TBC1D12: variants seen among roughly 807,000 people sequenced by gnomAD.
TBC1D12 encodes the protein TBC1 domain family, member 12.
TBC1D12 carries 56 observed loss-of-function variants against 86.7 expected under a neutral mutation model. The observed-to-expected ratio is 0.65, with a 90% CI of 0.52 to 0.81. The LOEUF (loss-of-function observed/expected upper bound fraction) is 0.81. TBC1D12 is among the 30% of genes least tolerant of loss of function. The pLI, the probability that TBC1D12 is intolerant of heterozygous loss-of-function variation, is 0.00. For missense variants in TBC1D12, 1,023 were observed against 1,038.8 expected (o/e 0.98, Z 0.21); for synonymous variants, 421 against 411.7 (o/e 1.02, Z -0.27).
intron 11 of TBC1D12, among the ~76,000 whole-genome samples, chr10:94,526,867 C>A (rs1842303351): frequency 6.6e-6 from 1 of 152,136 alleles, no homozygotes; most frequent in South Asian, 2.1e-4. Flanking sequence ...TAAGAGTTCC[C>A]TTTTCTTTGC....
chr10:94,504,173 GAATC>G (rs1265556781), intron 6 of TBC1D12, among the ~76,000 whole-genome samples: 1 of 152,152 alleles, frequency 6.6e-6, no homozygotes, highest in African/African-American at 2.4e-5. Flanking sequence ...AAAGTCTTAA[GAATC>G]AATTTTGCAA....
intron 1 of TBC1D12, among the ~76,000 whole-genome samples, chr10:94,420,503 T>C (rs2055059476): frequency 6.6e-6 from 1 of 152,160 alleles, no homozygotes; most frequent in South Asian, 2.1e-4. Context: ...AAAAAGAAGC[T>C]CTGTACTCAC....
Position 94,531,444 on chromosome 10 carries a change from C to T in TBC1D12, c.2243C>T (p.Thr748Ile). The T allele has an allele frequency of 6.2e-7, 1 of 1,611,452 alleles. No individual in the cohort carries two copies. Among genetic ancestry groups the T allele is most frequent in the South Asian group, 1.1e-5 (1 of 90,606 alleles). ...GCAGCCATTCAGATGCAGAATAGCA[C>T]CAAAAAATGGACTCAGGTAGAGTGA... ...CIAAIQMQNS[T>I]KKWTQVFASV... The change falls in exon 12 of 13, where the codon ACC (threonine) becomes ATC (isoleucine). Residue 748 changes from threonine to isoleucine, a missense_variant. Physicochemically the swap from Thr to Ile is moderately conservative, Grantham distance 89. Around this residue, in one of 2 missense-constraint regions of TBC1D12, gnomAD observed 395 missense variants for 507.7 expected, o/e 0.78. Transcript: ENST00000225235.
chr10:94,465,999 ATC>A (rs1276687300), intron 2 of TBC1D12, among the ~76,000 whole-genome samples: 4 of 151,536 alleles, frequency 2.6e-5, no homozygotes, highest in African/African-American at 9.7e-5. Flanking sequence ...TGAAGTTTTT[ATC>A]TGACTTTATT....
intron 1 of TBC1D12, among the ~76,000 whole-genome samples, chr10:94,420,245 G>C (rs889493914): frequency 8.5e-5 from 13 of 152,174 alleles, no homozygotes; most frequent in Admixed American, 5.9e-4. Flanking sequence ...AAAGGTAGCT[G>C]TCTGAAAACA....
chr10:94,411,925 T>C (rs956789950), intron 1 of TBC1D12, among the ~76,000 whole-genome samples: 2 of 152,160 alleles, frequency 1.3e-5, no homozygotes, highest in African/African-American at 4.8e-5. Flanking sequence ...ACCACTGCCT[T>C]CCTGCCTGGA....
intron 2 of TBC1D12, among the ~76,000 whole-genome samples, chr10:94,444,172 GA>G (rs112158621): frequency 0.027 from 1,804 of 66,678 alleles, 26 homozygotes; most frequent in African/African-American, 0.072. Context: ...TCCATCTCAA[GA>G]AAAAAAAAAA....
intron 1 of TBC1D12, among the ~76,000 whole-genome samples, chr10:94,417,448 CAT>C (rs1222421700): frequency 6.6e-6 from 1 of 152,002 alleles, no homozygotes; most frequent in Non-Finnish European, 1.5e-5. Context: ...AAAATAGAGT[CAT>C]GTGAAAAATT....
chr10:94,506,230 G>A (rs1330422584), intron 6 of TBC1D12, among the ~76,000 whole-genome samples: 2 of 151,898 alleles, frequency 1.3e-5, no homozygotes, highest in African/African-American at 2.4e-5. Context: ...GTAGAGACAA[G>A]GTTTCACCAT....
chr10:94,498,078 C>G (rs2056347967), intron 5 of TBC1D12, among the ~76,000 whole-genome samples: 1 of 152,090 alleles, frequency 6.6e-6, no homozygotes, highest in African/African-American at 2.4e-5. Context: ...CTCGGCCTCC[C>G]CAAGTGCTGA....
chr10:94,501,073 A>T (rs1564979733), intron 6 of TBC1D12, among the ~76,000 whole-genome samples: 1 of 126,596 alleles, frequency 7.9e-6, no homozygotes, highest in East Asian at 2.6e-4. Flanking sequence ...TGAATGAATA[A>T]ATGAATGAAT....
chr10:94,405,407 A>G (rs1345467932), intron 1 of TBC1D12, among the ~76,000 whole-genome samples: 1 of 152,190 alleles, frequency 6.6e-6, no homozygotes. Flanking sequence ...TCTTAAATCA[A>G]AAGTGGAAAA....
chr10:94,421,544 A>G (rs527748690), intron 1 of TBC1D12, among the ~76,000 whole-genome samples: 1 of 152,262 alleles, frequency 6.6e-6, no homozygotes, highest in South Asian at 2.1e-4. Context: ...TCTTTTGGAT[A>G]TTATGCCCAT....
intron 12 of TBC1D12, among the ~76,000 whole-genome samples, chr10:94,531,730 TTA>T (rs1177823240): frequency 4.1e-5 from 6 of 146,496 alleles, no homozygotes; most frequent in African/African-American, 1.5e-4. Context: ...TTATGTTATT[TTA>T]TGTTATGTTA....
intron 1 of TBC1D12, among the ~76,000 whole-genome samples, chr10:94,416,727 G>T (rs1373338893): frequency 1.3e-5 from 2 of 152,126 alleles, no homozygotes; most frequent in Non-Finnish European, 2.9e-5. Context: ...ATATGAGGAT[G>T]CATCAGTACT....
rs182307553 is a variant in TBC1D12 at position 94,510,438 on chromosome 10, G to T, written c.1689+259G>T. Reference sequence around the variant, plus strand: ...GGCACTTGATGAATTTTATTACAGTGAATTTATTTTGCTTTTTATTTTGTA... The same window carrying T: ...GGCACTTGATGAATTTTATTACAGTTAATTTATTTTGCTTTTTATTTTGTA... On this transcript the variant is annotated intron_variant, in intron 8 of 12. Coordinates refer to ENST00000225235, the MANE Select transcript of TBC1D12 (RefSeq NM_015188.2). Among the ~76,000 whole-genome samples, 657 of 152,196 alleles carry T rather than the reference G, an allele frequency of 4.3e-3. 4 individuals are homozygous for T. Among genetic ancestry groups the T allele is most frequent in the African/African-American group, 0.015 (624 of 41,524 alleles).
At chr10:94,480,415 C>G (rs974576477) in intron 3 of TBC1D12, among the ~76,000 whole-genome samples, 2 of 152,186 alleles carry the variant, frequency 1.3e-5, no homozygotes, top group African/African-American at 4.8e-5. Context: ...TTATATAGAT[C>G]AAGTAAGAAT....
At chr10:94,476,945 T>G (rs769650975) in intron 3 of TBC1D12, among the ~76,000 whole-genome samples, 6 of 152,232 alleles carry the variant, frequency 3.9e-5, no homozygotes, top group Non-Finnish European at 5.9e-5. Context: ...CCTTCCGTTG[T>G]ATCTACTTCT....
At position 94,521,237 on chromosome 10, in the gene TBC1D12, A is replaced by C. The variant is rs866568786; in HGVS notation, c.1762-718A>C. Among the ~76,000 whole-genome samples the C allele has an allele frequency of 6.2e-3, 842 of 136,268 alleles. 11 individuals are homozygous for C. The highest frequency in any genetic ancestry group is 0.022 in the African/African-American group (741 of 33,030). 89.4% of individuals were successfully genotyped at this position (136,268 alleles called of 152,430 possible). The stretch of plus-strand genomic sequence containing the variant: ...AAAAGAAACCAAAAAAAAAAAAAAA[A>C]CAAAAAAAAAACAGGAGAAGAAGTA... On this transcript the variant is annotated intron_variant, in intron 9 of 12. Coordinates refer to ENST00000225235, the MANE Select transcript of TBC1D12 (RefSeq NM_015188.2).
Sources: gnomAD v4.1 joint callset for allele counts (sites outside exome capture counted in the v4.1 genomes callset) on GRCh38, gnomAD v4.1.1 for gene constraint, gnomAD v4.1.1 regional missense constraint, MANE v1.5 for transcripts, NCBI Gene and HGNC (gene_info 2026-07-23, HGNC 2026-07-21) for gene names.